Variants in LTBP1 observed in about 807,000 individuals in gnomAD.
The protein encoded by LTBP1 is latent-transforming growth factor beta-binding protein 1.
Under a neutral mutation model 207.6 loss-of-function variants are expected in LTBP1, and 129 were observed. That is an observed-to-expected ratio of 0.62 (90% CI 0.54 to 0.72). The LOEUF is 0.72. LTBP1 is among the 30% of genes least tolerant of loss of function. LTBP1 has a pLI of 0.00. For synonymous variants in LTBP1, 963 were observed against 833.7 expected (o/e 1.16, Z -2.67); for missense variants, 2,281 against 2,217.2 (o/e 1.03, Z -0.58).
chr2:33,268,237 C>T (rs2093232488), intron 15 of LTBP1, among the ~76,000 whole-genome samples: 1 of 152,098 alleles, frequency 6.6e-6, no homozygotes, highest in Non-Finnish European at 1.5e-5. Context: ...ATATGGGAGC[C>T]AAACACAGAT....
intron 26 of LTBP1, among the ~76,000 whole-genome samples, chr2:33,353,645 G>T (rs1035481753): frequency 6.6e-6 from 1 of 152,096 alleles, no homozygotes; most frequent in East Asian, 1.9e-4. Context: ...GCACACTTAA[G>T]TGGGGAAATG....
chr2:33,320,484 G>A (rs1185335312), intron 24 of LTBP1, among the ~76,000 whole-genome samples: 1 of 152,050 alleles, frequency 6.6e-6, no homozygotes, highest in Non-Finnish European at 1.5e-5. Context: ...ATGCTAACTG[G>A]GGTGGTCAGA....
rs372835942 is a variant in LTBP1, at chr2:33,280,140, T to C, written c.3094T>C (p.Trp1032Arg). 43 of 1,614,024 alleles carry C rather than the reference T, an allele frequency of 2.7e-5. 1 individual carries two copies. The highest frequency in any genetic ancestry group is 9.3e-6 in the Non-Finnish European group (11 of 1,179,994). The change falls in exon 19 of 34, where the codon TGG (tryptophan) becomes CGG (arginine). Residue 1032 changes from tryptophan to arginine, a missense_variant. Trp to Arg is a moderately radical substitution (Grantham distance 101). This residue lies in a region of LTBP1 where 1,671 missense variants were observed against 1,634.8 expected (regional missense o/e 1.02). Coordinates refer to ENST00000404816, the MANE Select transcript of LTBP1 (RefSeq NM_206943.4). ...TCCCTGCACAGAAGGATTCCGAGGC[T>C]GGAATGGACAGTGCCTTGGTAGGTA... is the stretch of plus-strand genomic sequence containing the variant. ...CVPCTEGFRGWNGQCLDVDEC... is the reference protein window; with the variant it reads ...CVPCTEGFRGRNGQCLDVDEC...
intron 2 of LTBP1, among the ~76,000 whole-genome samples, chr2:32,982,767 C>T (rs1289643072): frequency 6.6e-6 from 1 of 152,178 alleles, no homozygotes; most frequent in African/African-American, 2.4e-5. Flanking sequence ...GATGTTGAGC[C>T]TGTGGGTGCA....
rs56916166 is a variant in LTBP1, at chr2:33,164,352, GAAAAAAAAAAAAAAA to G, written c.1202-22490_1202-22476del. On this transcript the variant is annotated intron_variant, in intron 5 of 33. Coordinates refer to ENST00000404816, the MANE Select transcript of LTBP1 (RefSeq NM_206943.4). ...GTGACAGAGCAAGACTTCCTCTCAGGAAAAAAAAAAAAAAAAAAAAAAAAAAAAGATTAAGAATAA... is the reference window on the plus strand; with the variant it reads ...GTGACAGAGCAAGACTTCCTCTCAGGAAAAAAAAAAAAAGATTAAGAATAA... Among the ~76,000 whole-genome samples the G allele has an allele frequency of 6.7e-4, 19 of 28,244 alleles. No individual in the cohort carries two copies. In the East Asian group the frequency reaches 0.015, roughly 23 times the overall value. 18.5% of individuals were successfully genotyped at this position (28,244 alleles called of 152,430 possible).
intron 19 of LTBP1, among the ~76,000 whole-genome samples, chr2:33,286,259 A>C (rs777991901): frequency 3.3e-5 from 5 of 152,206 alleles, no homozygotes; most frequent in Non-Finnish European, 5.9e-5. Flanking sequence ...GGGTATTTGA[A>C]GAATTTAGTA....
intron 24 of LTBP1, among the ~76,000 whole-genome samples, chr2:33,328,040 C>A (rs1000604328): frequency 6.6e-6 from 1 of 151,694 alleles, no homozygotes; most frequent in Non-Finnish European, 1.5e-5. Context: ...GAGGCTGAGG[C>A]AGGAGAATTG....
At chr2:33,027,888 G>A (rs990622947) in intron 3 of LTBP1, among the ~76,000 whole-genome samples, 2 of 152,108 alleles carry the variant, frequency 1.3e-5, no homozygotes, top group Non-Finnish European at 2.9e-5. Context: ...TAATCACCAA[G>A]CCCAACTGGA....
intron 18 of LTBP1, among the ~76,000 whole-genome samples, chr2:33,277,702 T>C (rs966849622): frequency 6.6e-6 from 1 of 151,934 alleles, no homozygotes; most frequent in Non-Finnish European, 1.5e-5. Context: ...CAAGCATTTA[T>C]GTGCAGAGCA....
chr2:33,155,976 A>G lies in LTBP1; in HGVS notation c.1201+21016A>G, dbSNP rs149993289. On this transcript the variant is annotated intron_variant, in intron 5 of 33. Coordinates refer to ENST00000404816, the MANE Select transcript of LTBP1 (RefSeq NM_206943.4). ...GAAACCAGAGTAAGCCCTGAATTTT[A>G]TTGATGACTGCTAGCACATAGATGT... 6.1e-4 allele frequency among the ~76,000 whole-genome samples: 93 copies of G among 152,336 alleles called. 2 individuals carry two copies. The highest frequency in any genetic ancestry group is 5.6e-3 in the East Asian group (29 of 5,180).
At chr2:33,304,452 G>C (rs1052230532) in intron 22 of LTBP1, among the ~76,000 whole-genome samples, 1 of 152,168 alleles carries the variant, frequency 6.6e-6, no homozygotes, top group Non-Finnish European at 1.5e-5. Context: ...AATGGTTCTG[G>C]CAAAGACCTT....
Position 33,293,281 on chromosome 2 carries a change from A to C in LTBP1, c.3234A>C (p.Arg1078Ser). ...GGACTCCGGACCACAAGCACTGTAGAGGTAAATACTGTGATCAAGTTTCCC... is the reference window on the plus strand; with the variant it reads ...GGACTCCGGACCACAAGCACTGTAGCGGTAAATACTGTGATCAAGTTTCCC... ...YTRTPDHKHC[R>S]DIDECQQGNL... is the part of the protein sequence containing the mutation. Residue 1078 changes from arginine (R) to serine (S), a missense_variant and splice_region_variant, in exon 20 of 34, where the codon AGA becomes AGC. Physicochemically the swap from Arg to Ser is moderately radical, Grantham distance 110 (BLOSUM62 -1). Coordinates refer to ENST00000404816, the MANE Select transcript of LTBP1 (RefSeq NM_206943.4). 1.3e-6 allele frequency: 2 copies of C among 1,596,024 alleles called. No individual in the cohort carries two copies. The highest frequency in any genetic ancestry group is 8.5e-7 in the Non-Finnish European group (1 of 1,175,178).
rs1259120813 is a variant in LTBP1, at chr2:33,365,417, G to A, written c.4625G>A (p.Gly1542Asp). 2 of 1,614,194 alleles carry A rather than the reference G, an allele frequency of 1.2e-6. No homozygotes were observed. Among genetic ancestry groups the A allele is most frequent in the Admixed American group, 1.7e-5 (1 of 60,018 alleles). The change falls in exon 31 of 34, where the codon GGC (glycine) becomes GAC (aspartate). Residue 1542 changes from glycine to aspartate, a missense_variant. Around this residue, in one of 3 missense-constraint regions of LTBP1, gnomAD observed 1,671 missense variants for 1,634.8 expected, o/e 1.02. Transcript: ENST00000404816. ...DEYVCSRPLV[G>D]KQTTYTECCC... ...TACGTGTGTAGCCGGCCTCTTGTGG[G>A]CAAGCAGACAACGTACACTGAGTGC... is the stretch of plus-strand genomic sequence containing the variant.
intron 5 of LTBP1, among the ~76,000 whole-genome samples, chr2:33,179,198 A>AT (rs111592950): frequency 0.08 from 12,118 of 151,982 alleles, 1,048 homozygotes; most frequent in African/African-American, 0.22. Flanking sequence ...TCTTTCTGTG[A>AT]TTTTTTTTAA....
chr2:33,305,790 T>G (rs1309212126), intron 22 of LTBP1, among the ~76,000 whole-genome samples: 1 of 152,072 alleles, frequency 6.6e-6, no homozygotes, highest in Non-Finnish European at 1.5e-5. Context: ...AAGTGGCAAG[T>G]GAAGAAGGAG....
At chr2:33,377,837 G>A (rs1389639240) in intron 31 of LTBP1, among the ~76,000 whole-genome samples, 4 of 152,202 alleles carry the variant, frequency 2.6e-5, no homozygotes, top group South Asian at 2.1e-4. Context: ...CTTACCTGGC[G>A]ACAGGACAGA....
intron 7 of LTBP1, among the ~76,000 whole-genome samples, chr2:33,216,670 T>C (rs2090727632): frequency 6.6e-6 from 1 of 152,104 alleles, no homozygotes; most frequent in African/African-American, 2.4e-5. Context: ...GAGACAAAAA[T>C]GTGGGGTGTG....
chr2:33,366,590 G>T (rs1340634584), intron 31 of LTBP1, among the ~76,000 whole-genome samples: 2 of 152,216 alleles, frequency 1.3e-5, no homozygotes, highest in Non-Finnish European at 2.9e-5. Context: ...AAGAGGGCAG[G>T]TCTGGGGCCA....
At chr2:33,193,518 G>T (rs1188366329) in intron 7 of LTBP1, among the ~76,000 whole-genome samples, 1 of 152,120 alleles carries the variant, frequency 6.6e-6, no homozygotes, top group African/African-American at 2.4e-5. Flanking sequence ...TAGTTTACAG[G>T]CACACTTTCT....
Sources: allele counts gnomAD v4.1 joint callset (sites outside exome capture counted in the v4.1 genomes callset), GRCh38; gene constraint gnomAD v4.1.1; regional missense constraint gnomAD v4.1.1; transcripts MANE v1.5; gene names NCBI Gene and HGNC (gene_info 2026-07-23, HGNC 2026-07-21).